Variants in SCMH1 observed in about 807,000 individuals in gnomAD.
The protein encoded by SCMH1 is Scm polycomb group protein homolog 1.
A neutral mutation model predicts 70.8 loss-of-function variants in SCMH1; 37 were observed. That is an observed-to-expected ratio of 0.52 (90% confidence interval 0.40 to 0.69). The LOEUF (loss-of-function observed/expected upper bound fraction) is 0.69, where lower values mean the gene tolerates loss of function less well. Ranked by LOEUF, SCMH1 falls within the 30% of genes least tolerant of loss-of-function variation. The pLI is 0.00. For missense variants in SCMH1, 607 were observed against 827.3 expected (o/e 0.73, Z 3.27); for synonymous variants, 292 against 307.4 (o/e 0.95, Z 0.52).
intron 9 of SCMH1, among the ~76,000 whole-genome samples, 199 bp downstream of exon 9, chr1:41,075,020 G>A (rs1657815465): frequency 6.6e-6 from 1 of 152,108 alleles, no homozygotes; most frequent in African/African-American, 2.4e-5. Flanking sequence ...CCACCACCAC[G>A]CCTGGTTAAT....
At chr1:41,128,894 T>G (rs1346168169) in intron 6 of SCMH1, among the ~76,000 whole-genome samples, 1 of 152,166 alleles carries the variant, frequency 6.6e-6, no homozygotes, top group Non-Finnish European at 1.5e-5. Flanking sequence ...TTAAGTCTGC[T>G]CATCTTCCTC....
At chr1:41,101,971 TAAAG>T (rs1473108598) in intron 8 of SCMH1, among the ~76,000 whole-genome samples, 2 of 152,152 alleles carry the variant, frequency 1.3e-5, no homozygotes, top group Non-Finnish European at 2.9e-5. Flanking sequence ...AGAGAGAAGA[TAAAG>T]AACTAAACAT....
intron 2 of SCMH1, among the ~76,000 whole-genome samples, chr1:41,179,255 C>T (rs777642381): frequency 4.8e-4 from 73 of 151,830 alleles, no homozygotes; most frequent in Non-Finnish European, 8.1e-4. Context: ...GGGAAATTTA[C>T]AGCACTAAAT....
At chr1:41,046,275 A>G in intron 12 of SCMH1, 132 bp downstream of exon 12, 1 of 681,356 alleles carries the variant, frequency 1.5e-6, no homozygotes, top group Non-Finnish European at 2.5e-6. Flanking sequence ...TGGCAAAGGT[A>G]AGGGACAGAA....
chr1:41,184,381 T>C (rs985651513), intron 2 of SCMH1, among the ~76,000 whole-genome samples: 3 of 152,162 alleles, frequency 2.0e-5, no homozygotes, highest in South Asian at 2.1e-4. Context: ...AGATATGTAA[T>C]AGTCCACAAA....
intron 9 of SCMH1, among the ~76,000 whole-genome samples, chr1:41,072,035 C>CATG (rs1353399894): frequency 6.6e-6 from 1 of 152,168 alleles, no homozygotes; most frequent in Non-Finnish European, 1.5e-5. Context: ...CTAAATGCTT[C>CATG]ATGTAGGGAT....
intron 2 of SCMH1, chr1:41,162,999 G>A (rs1184749805): frequency 6.6e-6 from 1 of 152,298 alleles, no homozygotes; most frequent in Non-Finnish European, 1.5e-5. Context: ...CAAAAGGGCT[G>A]AAATATGCCC....
rs190262040 is a variant in SCMH1 at position 41,223,052 on chromosome 1, C to G, written c.-118+19007G>C. On this transcript the variant is annotated intron_variant, in intron 1 of 14. Coordinates refer to ENST00000337495, the Ensembl canonical transcript of SCMH1. ...TGCTTCATGTTTATTTCTTTATCCC[C>G]TAATCTGAATTTTCTGAGAATTAGT... Among the ~76,000 whole-genome samples the G allele has an allele frequency of 2.6e-5, 4 of 152,196 alleles. No homozygotes were observed. In the East Asian group the frequency reaches 7.7e-4, roughly 29 times the overall value.
At chr1:41,116,276 T>G (rs1400599979) in intron 7 of SCMH1, among the ~76,000 whole-genome samples, 1 of 152,240 alleles carries the variant, frequency 6.6e-6, no homozygotes, top group Non-Finnish European at 1.5e-5. Context: ...ACTAGCAGCA[T>G]AGGCAAACCT....
chr1:41,112,024 T>G (rs1368572761), intron 8 of SCMH1, among the ~76,000 whole-genome samples: 1 of 152,166 alleles, frequency 6.6e-6, no homozygotes, highest in South Asian at 2.1e-4. Context: ...AATAGGGCTA[T>G]TAAACAAAAA....
At chr1:41,059,562 CT>C (rs1240985372) in intron 10 of SCMH1, among the ~76,000 whole-genome samples, 7 of 152,208 alleles carry the variant, frequency 4.6e-5, no homozygotes, top group African/African-American at 1.7e-4. Context: ...CAATAAAACC[CT>C]CCACATTCAC....
At chr1:41,195,131 CAAAAAAAAAAAAAA>C (rs35569635) in intron 1 of SCMH1, among the ~76,000 whole-genome samples, 1,577 of 26,312 alleles carry the variant, frequency 0.06, 58 homozygotes, top group African/African-American at 0.22. Context: ...AACTCTCTCT[CAAAAAAAAAAAAAA>C]AAAAAAAAAA....
intron 10 of SCMH1, among the ~76,000 whole-genome samples, chr1:41,065,067 C>T (rs1450409624): frequency 6.6e-6 from 1 of 152,100 alleles, no homozygotes; most frequent in African/African-American, 2.4e-5. Flanking sequence ...ACTAAGTAAA[C>T]AGATATTTTG....
chr1:41,061,556 C>T (rs1652649638), intron 10 of SCMH1, among the ~76,000 whole-genome samples: 1 of 152,258 alleles, frequency 6.6e-6, no homozygotes, highest in Non-Finnish European at 1.5e-5. Flanking sequence ...GTATACCTAA[C>T]AACAGAGTGT....
intron 8 of SCMH1, among the ~76,000 whole-genome samples, chr1:41,082,073 T>A (rs957927055): frequency 1.3e-5 from 2 of 152,050 alleles, no homozygotes; most frequent in African/African-American, 4.8e-5. Flanking sequence ...GGCTAAAACA[T>A]CAAATTTCTA....
intron 8 of SCMH1, among the ~76,000 whole-genome samples, chr1:41,105,826 C>T (rs924179976): frequency 2.8e-4 from 42 of 151,908 alleles, no homozygotes; most frequent in Non-Finnish European, 5.7e-4. Context: ...AATGGTCCTT[C>T]TAAAACACAA....
At chr1:41,177,376 C>G (rs1230239596) in intron 2 of SCMH1, among the ~76,000 whole-genome samples, 1 of 152,018 alleles carries the variant, frequency 6.6e-6, no homozygotes, top group African/African-American at 2.4e-5. Flanking sequence ...AGCAATGGAA[C>G]AAAGCTGGAC....
chr1:41,182,137 G>C (rs1412519602), intron 2 of SCMH1, among the ~76,000 whole-genome samples: 3 of 152,104 alleles, frequency 2.0e-5, no homozygotes, highest in Admixed American at 6.5e-5. Context: ...CTCATAGGTG[G>C]GAATTGAACA....
At chr1:41,131,758 G>A (rs1358675426) in intron 6 of SCMH1, among the ~76,000 whole-genome samples, 2 of 152,040 alleles carry the variant, frequency 1.3e-5, no homozygotes, top group Non-Finnish European at 2.9e-5. Flanking sequence ...CTGTGTCCAC[G>A]TGTTCTCATT....
Sources: gnomAD v4.1 joint callset for allele counts (sites outside exome capture counted in the v4.1 genomes callset) on GRCh38, gnomAD v4.1.1 for gene constraint, MANE v1.5 for transcripts, NCBI Gene and HGNC (gene_info 2026-07-23, HGNC 2026-07-21) for gene names.